PTPRG: variants seen among roughly 807,000 people sequenced by gnomAD.
PTPRG encodes the protein protein tyrosine phosphatase receptor type G.
Under a neutral mutation model 165.3 loss-of-function variants are expected in PTPRG, and 102 were observed. The observed-to-expected ratio is 0.62, with a 90% CI of 0.53 to 0.73. PTPRG has a LOEUF of 0.73. PTPRG is among the 30% of genes least tolerant of loss of function. PTPRG has a pLI of 0.00. For missense variants in PTPRG, 1,866 were observed against 1,861.4 expected (o/e 1.00, Z -0.05); for synonymous variants, 675 against 669.5 (o/e 1.01, Z -0.13).
At position 62,124,223 on chromosome 3, in the gene PTPRG, C is replaced by G. The variant is rs1444091695; in HGVS notation, c.616-8379C>G. 2.8e-6 allele frequency: 3 copies of G among 1,068,478 alleles called. No individual in the cohort carries two copies. In the African/African-American group the frequency reaches 4.7e-5, roughly 17 times the overall value. 66.2% of individuals were successfully genotyped at this position (1,068,478 alleles called of 1,614,324 possible). A position where few individuals can be genotyped will look rare whatever the true frequency, so the allele number is the denominator to read the frequency against. ...GATTATTCAGCCACACAGTGCTTTC[C>G]TGTCATTTGACATTAACTCCGAAGG... On this transcript the variant is annotated intron_variant, in intron 5 of 29. Coordinates refer to ENST00000474889, the MANE Select transcript of PTPRG (RefSeq NM_002841.4).
At chr3:61,941,571 C>T (rs532483296) in intron 2 of PTPRG, among the ~76,000 whole-genome samples, 8 of 152,178 alleles carry the variant, frequency 5.3e-5, no homozygotes, top group South Asian at 2.1e-4. Context: ...TGCAGTGAGC[C>T]GAGAGCGCCA....
chr3:62,183,775 C>T (rs1705757198), intron 8 of PTPRG, among the ~76,000 whole-genome samples: 1 of 152,010 alleles, frequency 6.6e-6, no homozygotes, highest in Admixed American at 6.6e-5. Context: ...TCAAGAGACC[C>T]CACATTGTCA....
intron 1 of PTPRG, among the ~76,000 whole-genome samples, chr3:61,748,128 G>C (rs624228): frequency 0.4 from 60,747 of 152,010 alleles, 12,374 homozygotes; most frequent in Non-Finnish European, 0.44. Flanking sequence ...TGTTTCTTTT[G>C]TGGGCATTGT....
At chr3:61,872,291 G>C (rs1425591319) in intron 2 of PTPRG, among the ~76,000 whole-genome samples, 1 of 152,192 alleles carries the variant, frequency 6.6e-6, no homozygotes, top group African/African-American at 2.4e-5. Flanking sequence ...GGGATCACTT[G>C]AGTGTGCTGT....
chr3:61,656,327 G>A (rs1702509059), intron 1 of PTPRG, among the ~76,000 whole-genome samples: 1 of 152,186 alleles, frequency 6.6e-6, no homozygotes, highest in African/African-American at 2.4e-5. Flanking sequence ...AGGTGACACA[G>A]AAGTGGTCTC....
intron 10 of PTPRG, among the ~76,000 whole-genome samples, chr3:62,200,890 A>G (rs1240546159): frequency 2.0e-5 from 3 of 152,238 alleles, no homozygotes; most frequent in East Asian, 1.9e-4. Flanking sequence ...GTAAACAGTA[A>G]TAAGTTAAGG....
intron 2 of PTPRG, among the ~76,000 whole-genome samples, chr3:61,960,922 A>T (rs916527540): frequency 6.6e-6 from 1 of 152,094 alleles, no homozygotes; most frequent in Admixed American, 6.6e-5. Context: ...TAGACCCTTC[A>T]CTGATCAGCT....
intron 1 of PTPRG, among the ~76,000 whole-genome samples, chr3:61,686,219 A>G (rs1352565773): frequency 3.9e-5 from 6 of 152,210 alleles, no homozygotes; most frequent in Admixed American, 3.9e-4. Context: ...AGTGGCAGAG[A>G]TGGGACCTCA....
At chr3:61,798,893 G>C (rs2035145082) in intron 2 of PTPRG, among the ~76,000 whole-genome samples, 1 of 152,058 alleles carries the variant, frequency 6.6e-6, no homozygotes, top group Non-Finnish European at 1.5e-5. Flanking sequence ...CCTGTTGATG[G>C]GGTAGAGCTG....
intron 2 of PTPRG, among the ~76,000 whole-genome samples, chr3:61,914,412 G>A (rs1319129445): frequency 6.6e-6 from 1 of 152,176 alleles, no homozygotes; most frequent in Non-Finnish European, 1.5e-5. Flanking sequence ...CCAGAGAAAT[G>A]TGACTCCCGG....
rs1241579924 is a variant in PTPRG, at chr3:62,296,198, A to G, written c.*2891A>G. 4.6e-5 allele frequency: 7 copies of G among 152,130 alleles called. 1 individual carries two copies. The East Asian group carries it at 1.4e-3, about 29-fold the overall frequency. 9.4% of individuals were successfully genotyped at this position (152,130 alleles called of 1,614,324 possible). A position where few individuals can be genotyped will look rare whatever the true frequency, so the allele number is the denominator to read the frequency against. ...TAATATGAAAAAAGTTAATTTCTGA[A>G]TTTCAAAAAGAGTAAGATTAGCTAA... On this transcript the variant is annotated 3_prime_UTR_variant, in exon 30 of 30. Coordinates refer to ENST00000474889, the MANE Select transcript of PTPRG (RefSeq NM_002841.4).
intron 2 of PTPRG, among the ~76,000 whole-genome samples, chr3:61,756,791 G>C (rs996169145): frequency 6.6e-6 from 1 of 152,034 alleles, no homozygotes; most frequent in Non-Finnish European, 1.5e-5. Context: ...ACATATCAGT[G>C]GTAACAAGAT....
Position 62,228,202 on chromosome 3 carries a change from A to C in PTPRG, c.2289-3023A>C, listed in dbSNP as rs974082899. Reference sequence around the variant, plus strand: ...CAAGAAGGATTTCTCGGAGGAGAGAATGTTTGGACTGTATTTTTTACAAAA... The same window carrying C: ...CAAGAAGGATTTCTCGGAGGAGAGACTGTTTGGACTGTATTTTTTACAAAA... On this transcript the variant is annotated intron_variant, in intron 13 of 29. Coordinates refer to ENST00000474889, the MANE Select transcript of PTPRG (RefSeq NM_002841.4). The surrounding 1 kb of genome is among the most constrained non-coding windows in gnomAD (Gnocchi z 4.1). 9.9e-5 allele frequency among the ~76,000 whole-genome samples: 15 copies of C among 152,090 alleles called. No homozygotes were observed. The highest frequency in any genetic ancestry group is 2.1e-4 in the Non-Finnish European group (14 of 68,022).
intron 2 of PTPRG, among the ~76,000 whole-genome samples, chr3:61,782,701 G>C (rs530915970): frequency 1.3e-5 from 2 of 152,180 alleles, no homozygotes; most frequent in Non-Finnish European, 2.9e-5. Context: ...TTGACCTGGC[G>C]CATTTTAGAA....
rs1701861550 is a variant in PTPRG at position 62,089,528 on chromosome 3, A to G, written c.615+11270A>G. 3.9e-5 allele frequency among the ~76,000 whole-genome samples: 6 copies of G among 152,326 alleles called. No homozygotes were observed. The South Asian group carries it at 1.2e-3, about 32-fold the overall frequency. The stretch of plus-strand genomic sequence containing the variant: ...TATCCTTCCTGCCTTTTAACTTGCC[A>G]TAGGTCAGAATCTCAATGTGATATA... On this transcript the variant is annotated intron_variant, in intron 5 of 29. Transcript: ENST00000474889.
chr3:62,166,295 A>G (rs1401253669), intron 7 of PTPRG, among the ~76,000 whole-genome samples: 3 of 128,796 alleles, frequency 2.3e-5, no homozygotes, highest in Non-Finnish European at 4.7e-5. Context: ...TTGCTGTTCC[A>G]TTCCTCATAT....
intron 4 of PTPRG, among the ~76,000 whole-genome samples, chr3:62,033,657 G>A (rs910248031): frequency 2.0e-5 from 3 of 151,272 alleles, no homozygotes; most frequent in African/African-American, 2.4e-5. Context: ...GAGCCACCAC[G>A]CCTGGCTTCC....
intron 1 of PTPRG, among the ~76,000 whole-genome samples, chr3:61,602,321 C>G (rs1179883898): frequency 1.3e-5 from 2 of 152,006 alleles, no homozygotes; most frequent in South Asian, 2.1e-4. Context: ...GCCACCTGCC[C>G]CCTTGTAATT....
At chr3:62,282,699 G>A (rs369745121) in intron 27 of PTPRG, 28 bp from the exon 28 acceptor site, 172 of 1,591,102 alleles carry the variant, frequency 1.1e-4, no homozygotes, top group Non-Finnish European at 1.3e-4. Context: ...TAAAGGAAGG[G>A]ATTTGACCCA....
Sources: allele counts gnomAD v4.1 joint callset (sites outside exome capture counted in the v4.1 genomes callset), GRCh38; gene constraint gnomAD v4.1.1; non-coding constraint Gnocchi (gnomAD v3.1); transcripts MANE v1.5; gene names NCBI Gene and HGNC (gene_info 2026-07-23, HGNC 2026-07-21).